The following GTPBP4 variants were observed in gnomAD, a reference collection of about 807,000 sequenced individuals.
GTPBP4 encodes the protein GTP-binding protein 4.
GTPBP4 carries 15 observed loss-of-function variants against 81.7 expected under a neutral mutation model. The ratio of observed to expected loss-of-function variants is 0.18; its 90% confidence interval spans 0.12 to 0.28. The LOEUF (loss-of-function observed/expected upper bound fraction) is 0.28. Among genes scored for constraint, GTPBP4 ranks in the 10% least tolerant of loss-of-function variants. The pLI, the probability that GTPBP4 is intolerant of heterozygous loss-of-function variation, is 1.00. For synonymous variants in GTPBP4, 272 were observed against 274.6 expected, an observed-to-expected ratio of 0.99 and a Z score of 0.09; for missense variants, 847 against 793.8, an observed-to-expected ratio of 1.07 and a Z score of -0.81.
At chr10:997,118 T>C (rs1250887) in intron 4 of GTPBP4, 90 bp from the exon 5 acceptor site, 786,657 of 788,586 alleles carry the variant, frequency 1, 392,395 homozygotes, top group East Asian at 1. Flanking sequence ...AATATCACCA[T>C]AGGCCTGGAC....
intron 6 of GTPBP4, 92 bp from the exon 7 acceptor site, chr10:1,000,585 C>T: frequency 1.8e-6 from 1 of 555,480 alleles, no homozygotes; most frequent in Non-Finnish European, 2.9e-6. Context: ...ATTATTAGGT[C>T]TGGTTGGGTG....
chr10:1,001,557 T>G lies in GTPBP4; in HGVS notation c.912+544T>G, dbSNP rs1831633226. ...GATAAATGCTTTTAGAAGCGTGCAC[T>G]GGTGGAGTGGCTTTCAAATTGTGGT... On this transcript the variant is annotated intron_variant, in intron 8 of 16. Transcript: ENST00000360803. Among the ~76,000 whole-genome samples the G allele has an allele frequency of 2.0e-5, 3 of 152,236 alleles. No homozygotes were observed. In the South Asian group the frequency reaches 6.2e-4, roughly 31 times the overall value.
intron 11 of GTPBP4, 63 bp from the exon 12 acceptor site, chr10:1,009,466 G>T (rs1273427407): frequency 1.1e-5 from 11 of 1,035,152 alleles, no homozygotes; most frequent in Non-Finnish European, 1.7e-5. Context: ...GTGACAAGGG[G>T]CAGAGCATTT....
intron 4 of GTPBP4, chr10:997,006 G>T: frequency 1.8e-6 from 1 of 556,250 alleles, no homozygotes. Flanking sequence ...TCTTACCAGA[G>T]CCAAACTTGG....
chr10:989,790 G>C (rs919813848), intron 1 of GTPBP4, among the ~76,000 whole-genome samples: 2 of 152,240 alleles, frequency 1.3e-5, no homozygotes, highest in Admixed American at 1.3e-4. Context: ...GGCCAGGTTG[G>C]AGCGCAGTGG....
chr10:1,011,884 G>A (rs12249455), intron 13 of GTPBP4, among the ~76,000 whole-genome samples: 1,565 of 152,260 alleles, frequency 0.01, 25 homozygotes, highest in African/African-American at 0.036. Flanking sequence ...TCCCTCCTCC[G>A]CACAGCTGTG....
intron 2 of GTPBP4, among the ~76,000 whole-genome samples, chr10:995,349 G>A (rs1275817787): frequency 1.3e-5 from 2 of 152,046 alleles, no homozygotes; most frequent in Non-Finnish European, 2.9e-5. Flanking sequence ...AGCCCGCAGC[G>A]TTTCAAGAGG....
At chr10:1,010,314 G>A (rs1233195972) in intron 12 of GTPBP4, 106 bp from the exon 13 acceptor site, 10 of 676,900 alleles carry the variant, frequency 1.5e-5, no homozygotes, top group Non-Finnish European at 2.7e-5. Flanking sequence ...GCTCTCTTCT[G>A]CAGTGGAGTC....
At chr10:998,287 A>T (rs1199467189) in intron 5 of GTPBP4, among the ~76,000 whole-genome samples, 1 of 151,994 alleles carries the variant, frequency 6.6e-6, no homozygotes, top group Non-Finnish European at 1.5e-5. Context: ...TTTTGTGGAG[A>T]TGGAGTCTCA....
rs368892486 is a variant in GTPBP4 at position 988,453 on chromosome 10, A to G, written c.-27A>G. 76 of 1,608,508 alleles carry G rather than the reference A, an allele frequency of 4.7e-5. No individual in the cohort carries two copies. Among genetic ancestry groups the G allele is most frequent in the Non-Finnish European group, 5.8e-5 (68 of 1,175,518 alleles). On this transcript the variant is annotated 5_prime_UTR_variant, in exon 1 of 17. Coordinates refer to ENST00000360803, the MANE Select transcript of GTPBP4 (RefSeq NM_012341.3). ...GACGGCGGAAGTTCCGGGAGTGCCA[A>G]GTACCCGCGTGCATACGGCTGCCGG...
At position 1,001,006 on chromosome 10, in the gene GTPBP4, A is replaced by G. The variant is rs758846757; in HGVS notation, c.905A>G (p.Asp302Gly). 2 of 1,598,158 alleles carry G rather than the reference A, an allele frequency of 1.3e-6. No homozygotes were observed. Among genetic ancestry groups the G allele is most frequent in the East Asian group, 4.5e-5 (2 of 44,794 alleles). ...AAGAGAATAGCTGAACTTTCTGAAG[A>G]TGATCAGGTAAATCACGTTAATATT... ...DVKRIAELSE[D>G]DQKIFTDLQS... The change falls in exon 8 of 17, where the codon GAT (aspartate) becomes GGT (glycine). Residue 302 changes from aspartate to glycine, a missense_variant. Asp to Gly is a moderately conservative substitution (Grantham distance 94, BLOSUM62 -1). Transcript: ENST00000360803.
chr10:997,116 C>G (rs1352562480), intron 4 of GTPBP4, 92 bp from the exon 5 acceptor site: 1 of 781,422 alleles, frequency 1.3e-6, no homozygotes, highest in Admixed American at 2.1e-5. Context: ...TGAATATCAC[C>G]ATAGGCCTGG....
chr10:1,011,073 C>T (rs1347335140), intron 13 of GTPBP4, among the ~76,000 whole-genome samples: 3 of 107,406 alleles, frequency 2.8e-5, no homozygotes, highest in Non-Finnish European at 4.1e-5. Context: ...TCCTGCATCC[C>T]TCCATCCTGA....
chr10:992,698 G>A (rs780409801), intron 2 of GTPBP4, 39 bp downstream of exon 2: 120 of 1,285,470 alleles, frequency 9.3e-5, no homozygotes, highest in African/African-American at 3.7e-4. Flanking sequence ...ATGTAAATAC[G>A]GGCTTTCAGA....
intron 10 of GTPBP4, chr10:1,007,777 G>A (rs1019352060): frequency 9.0e-5 from 38 of 420,794 alleles, no homozygotes; most frequent in Non-Finnish European, 1.7e-4. Context: ...TTGTGTCCTC[G>A]GCGTGGTCGG....
rs976427759 is a variant in GTPBP4, at chr10:1,019,015, G to A, written c.*1788G>A. On this transcript the variant is annotated 3_prime_UTR_variant, in exon 17 of 17. Transcript: ENST00000360803. ...TTGGCTGAGACCATACGCATCTTCCGTACTGCTTGTATTAGGATGCAAGAT... is the reference window on the plus strand; with the variant it reads ...TTGGCTGAGACCATACGCATCTTCCATACTGCTTGTATTAGGATGCAAGAT... 1 of 155,758 alleles carries A rather than the reference G, an allele frequency of 6.4e-6. No homozygotes were observed. Among genetic ancestry groups the A allele is most frequent in the Admixed American group, 6.2e-5 (1 of 16,008 alleles). 9.6% of individuals were successfully genotyped at this position (155,758 alleles called of 1,614,324 possible). A position where few individuals can be genotyped will look rare whatever the true frequency, so the allele number is the denominator to read the frequency against.
intron 8 of GTPBP4, among the ~76,000 whole-genome samples, chr10:1,004,643 A>C (rs1330409093): frequency 6.6e-6 from 1 of 152,174 alleles, no homozygotes; most frequent in Non-Finnish European, 1.5e-5. Flanking sequence ...GCAGGGAGAC[A>C]ACGTTCCCTG....
intron 10 of GTPBP4, among the ~76,000 whole-genome samples, chr10:1,007,492 T>C (rs1050209075): frequency 6.6e-6 from 1 of 152,224 alleles, no homozygotes; most frequent in African/African-American, 2.4e-5. Flanking sequence ...CCCAGCACTT[T>C]GGGAGGCCAA....
intron 1 of GTPBP4, among the ~76,000 whole-genome samples, chr10:990,942 C>T (rs182494504): frequency 3.3e-5 from 5 of 151,880 alleles, no homozygotes; most frequent in East Asian, 1.9e-4. Context: ...TGCAGAAGAA[C>T]GTAGAGAAGA....
Sources: allele counts gnomAD v4.1 joint callset (sites outside exome capture counted in the v4.1 genomes callset), GRCh38; gene constraint gnomAD v4.1.1; transcripts MANE v1.5; gene names NCBI Gene and HGNC (gene_info 2026-07-23, HGNC 2026-07-21).